The following PSG1 variants were observed in gnomAD, a reference collection of about 807,000 sequenced individuals.
PSG1 encodes the protein pregnancy specific beta-1-glycoprotein 1, also known as pregnancy-specific beta-1-glycoprotein 1.
Under a neutral mutation model 41.4 loss-of-function variants are expected in PSG1, and 60 were observed. That is an observed-to-expected ratio of 1.45 (90% CI 1.18 to 1.80). PSG1 has a LOEUF of 1.80. PSG1 is among the 40% of genes most tolerant of loss of function. The pLI is 0.00. For missense variants in PSG1, 806 were observed against 516.9 expected, an observed-to-expected ratio of 1.56 and a Z score of -5.42; for synonymous variants, 256 against 192.9, an observed-to-expected ratio of 1.33 and a Z score of -2.71.
Position 42,866,680 on chromosome 19 carries a change from A to C in PSG1, c.*454T>G. 1 of 340,552 alleles carries C rather than the reference A, an allele frequency of 2.9e-6. No homozygotes were observed. The highest frequency in any genetic ancestry group is 5.5e-6 in the Non-Finnish European group (1 of 181,714). The allele number at this position is 340,552 out of a possible 1,614,324, so 21.1% of individuals were successfully genotyped here. On this transcript the variant is annotated 3_prime_UTR_variant, in exon 6 of 6. Coordinates refer to ENST00000436291, the MANE Select transcript of PSG1 (RefSeq NM_001184825.2). ...ATTTCTATTGGGAGCCCTGTATGCA[A>C]GGTGGAGAGAGCCACATTTCCCCCT...
intron 3 of PSG1, chr19:42,869,364 G>A (rs1600492437): frequency 2.3e-6 from 1 of 429,366 alleles, no homozygotes; most frequent in African/African-American, 2.0e-5. Context: ...CTCACCTTGG[G>A]TTCCTTACCT....
At chr19:42,874,621 G>A (rs904412509) in intron 2 of PSG1, among the ~76,000 whole-genome samples, 3 of 151,922 alleles carry the variant, frequency 2.0e-5, no homozygotes, top group Middle Eastern at 3.4e-3. Context: ...GATTATAGGC[G>A]TGAGCCACTG....
At position 42,868,435 on chromosome 19, in the gene PSG1, A is replaced by T. The variant is rs10407243; in HGVS notation, c.989-80T>A. The T allele has an allele frequency of 5.9e-3, 8,783 of 1,490,536 alleles. 459 individuals carry two copies. In the African/African-American group the frequency reaches 0.11, roughly 18 times the overall value. 92.3% of individuals were successfully genotyped at this position (1,490,536 alleles called of 1,614,324 possible). Reference sequence around the variant, plus strand: ...CCTGGTCTCTTAAAGGGACACAGTGACCCTCTGAGCCAAGACACACCCTCA... The same window carrying T: ...CCTGGTCTCTTAAAGGGACACAGTGTCCCTCTGAGCCAAGACACACCCTCA... On this transcript the variant is annotated intron_variant, in intron 4 of 5. Coordinates refer to ENST00000436291, the MANE Select transcript of PSG1 (RefSeq NM_001184825.2).
At position 42,871,834 on chromosome 19, in the gene PSG1, G is replaced by C. The variant is rs150081035; in HGVS notation, c.642C>G (p.Pro214=). 1 of 1,612,466 alleles carries C rather than the reference G, an allele frequency of 6.2e-7. No individual in the cohort carries two copies. The highest frequency in any genetic ancestry group is 1.3e-5 in the African/African-American group (1 of 74,670). The part of the protein sequence containing the change: ...LLGVTKYTAG[P]YECEIRNPVS... ...CTGGGTTCCGTATTTCACATTCATA[G>C]GGTCCTGCAGTATACTTTGTGACAC... The change falls in exon 3 of 6, where the codon CCC becomes CCG. Residue 214 remains proline (P), a synonymous_variant. Transcript: ENST00000436291.
intron 2 of PSG1, 145 bp downstream of exon 2, chr19:42,877,768 G>A: frequency 6.6e-7 from 1 of 1,514,708 alleles, no homozygotes; most frequent in Non-Finnish European, 9.1e-7. Context: ...TCCTCTGTGT[G>A]TGTCCTGCAC....
intron 2 of PSG1, among the ~76,000 whole-genome samples, chr19:42,875,020 C>A (rs1016639303): frequency 6.6e-6 from 1 of 151,714 alleles, no homozygotes; most frequent in African/African-American, 2.4e-5. Context: ...CAGGTTGAGG[C>A]TGGAGTCACA....
intron 4 of PSG1, 85 bp downstream of exon 4, chr19:42,868,671 A>C: frequency 6.3e-7 from 1 of 1,587,258 alleles, no homozygotes; most frequent in South Asian, 1.2e-5. Context: ...CTATACTTGG[A>C]CCGGAGAGAG....
intron 2 of PSG1, among the ~76,000 whole-genome samples, chr19:42,876,055 C>T (rs534571466): frequency 6.6e-6 from 1 of 151,460 alleles, no homozygotes; most frequent in Non-Finnish European, 1.5e-5. Context: ...TGTGCCTTTC[C>T]TCTTTCCTGG....
rs1971776115 is a variant in PSG1, at chr19:42,879,520, G to A, written c.62C>T (p.Thr21Ile). Residue 21 changes from threonine (T) to isoleucine (I), a missense_variant and splice_region_variant, in exon 1 of 6, where the codon ACA becomes ATA. Transcript: ENST00000436291. ...CTCCCAGGAAGTTCTCTCCTCACCT[G>A]TGAGCAGGAGCCCCTTCCATTTGAT... Reference protein sequence around the residue: ...QRIKWKGLLLTASLLNFWNLP... With the variant: ...QRIKWKGLLLIASLLNFWNLP... 6.2e-7 allele frequency: 1 copy of A among 1,609,966 alleles called. No individual in the cohort carries two copies. Among genetic ancestry groups the A allele is most frequent in the Non-Finnish European group, 8.5e-7 (1 of 1,177,706 alleles).
rs550172330 is a variant in PSG1 at position 42,868,785 on chromosome 19, C to A, written c.959G>T (p.Arg320Leu). 14 of 1,611,810 alleles carry A rather than the reference C, an allele frequency of 8.7e-6. 1 individual carries two copies. In the African/African-American group the frequency reaches 1.6e-4, roughly 19 times the overall value. The change falls in exon 4 of 6, where the codon CGC becomes CTC. Residue 320 changes from arginine to leucine, a missense_variant. Transcript: ENST00000436291. ...GACATTCAGGGTGACTGGGTCACTG[C>A]GGATGCCACCATATCGGTCCCGTAT... is the stretch of plus-strand genomic sequence containing the variant. ...CEIRDRYGGI[R>L]SDPVTLNVLY...
At chr19:42,869,615 C>T (rs1290826298) in intron 3 of PSG1, 2 of 157,854 alleles carry the variant, frequency 1.3e-5, no homozygotes, top group Non-Finnish European at 2.8e-5. Flanking sequence ...GCAGTGGAGG[C>T]TCAAGGTGGG....
Position 42,879,662 on chromosome 19 carries a change from C to T in PSG1, c.-81G>A, listed in dbSNP as rs1663604883. Reference sequence around the variant, plus strand: ...TCTCTGAGCACGGCTGTCAGCTGTGCTGTCCTTCCTCTTTCTGTGCTGAGC... The same window carrying T: ...TCTCTGAGCACGGCTGTCAGCTGTGTTGTCCTTCCTCTTTCTGTGCTGAGC... On this transcript the variant is annotated 5_prime_UTR_variant, in exon 1 of 6. Coordinates refer to ENST00000436291, the MANE Select transcript of PSG1 (RefSeq NM_001184825.2). The T allele has an allele frequency of 8.9e-6, 14 of 1,567,350 alleles. No homozygotes were observed. Among genetic ancestry groups the T allele is most frequent in the Non-Finnish European group, 1.1e-5 (13 of 1,148,438 alleles).
rs533208728 is a variant in PSG1 at position 42,874,299 on chromosome 19, C to G, written c.431-2254G>C. Among the ~76,000 whole-genome samples, 10 of 151,736 alleles carry G rather than the reference C, an allele frequency of 6.6e-5. 1 individual carries two copies. The highest frequency in any genetic ancestry group is 6.6e-4 in the Admixed American group (10 of 15,202). On this transcript the variant is annotated intron_variant, in intron 2 of 5. Transcript: ENST00000436291. ...CTCAAGCTAGGTATTCTTTCCACAG[C>G]TGTGTGCAGTCTACCAGTAAGCATC...
At chr19:42,868,038 T>A in intron 5 of PSG1, 63 bp downstream of exon 5, 2 of 1,611,758 alleles carry the variant, frequency 1.2e-6, no homozygotes, top group Non-Finnish European at 1.7e-6. Context: ...TCCTGACTCT[T>A]CTCTGAATGC....
intron 4 of PSG1, 23 bp downstream of exon 4, chr19:42,868,733 A>G: frequency 6.2e-7 from 1 of 1,610,304 alleles, no homozygotes; most frequent in Admixed American, 1.7e-5. Flanking sequence ...GTCCTGGCCC[A>G]CAGAGGAACA....
rs765764581 is a variant in PSG1 at position 42,878,096 on chromosome 19, C to A, written c.247G>T (p.Val83Leu). 4.3e-6 allele frequency: 7 copies of A among 1,612,224 alleles called. 1 individual carries two copies. In the East Asian group the frequency reaches 1.6e-4, roughly 36 times the overall value. Residue 83 changes from valine to leucine, a missense_variant, in exon 2 of 6, where the codon GTA (valine) becomes TTA (leucine). Physicochemically the swap from Val to Leu is conservative, Grantham distance 32 (BLOSUM62 1). Coordinates refer to ENST00000436291, the MANE Select transcript of PSG1 (RefSeq NM_001184825.2). ...RDLYHYITSY[V>L]VDGEIIIYGP... ...TATATAATTATTTCACCGTCTACTA[C>A]ATATGATGTAATGTAATGGTAGAGG...
Position 42,871,812 on chromosome 19 carries a change from G to C in PSG1, c.664C>G (p.Pro222Ala). Residue 222 changes from proline to alanine, a missense_variant, in exon 3 of 6, where the codon CCA becomes GCA. Pro to Ala is a conservative substitution (Grantham distance 27). Coordinates refer to ENST00000436291, the MANE Select transcript of PSG1 (RefSeq NM_001184825.2). ...AGPYECEIRN[P>A]VSASRSDPVT... ...GGGTCACTGCGGCTGGCACTCACTG[G>C]GTTCCGTATTTCACATTCATAGGGT... is the stretch of plus-strand genomic sequence containing the variant. 1.9e-6 allele frequency: 3 copies of C among 1,612,602 alleles called. No homozygotes were observed. Among genetic ancestry groups the C allele is most frequent in the Non-Finnish European group, 2.5e-6 (3 of 1,179,264 alleles).
rs184145325 is a variant in PSG1 at position 42,872,181 on chromosome 19, A to G, written c.431-136T>C. ...AAAGCCCATGGCAGGTGTGTGTGATACAAGACAGATGCATGGCAATCTGAG... is the reference window on the plus strand; with the variant it reads ...AAAGCCCATGGCAGGTGTGTGTGATGCAAGACAGATGCATGGCAATCTGAG... On this transcript the variant is annotated intron_variant, in intron 2 of 5. Coordinates refer to ENST00000436291, the MANE Select transcript of PSG1 (RefSeq NM_001184825.2). The G allele has an allele frequency of 2.9e-3, 3,815 of 1,301,452 alleles. 50 individuals carry two copies. Among genetic ancestry groups the G allele is most frequent in the Non-Finnish European group, 2.8e-3 (2,698 of 949,626 alleles). The allele number at this position is 1,301,452 out of a possible 1,614,324, so 80.6% of individuals were successfully genotyped here.
intron 4 of PSG1, among the ~76,000 whole-genome samples, 188 bp downstream of exon 4, chr19:42,868,568 C>G (rs59502765): frequency 6.6e-6 from 1 of 150,962 alleles, no homozygotes; most frequent in Admixed American, 6.6e-5. Context: ...AAGAGCATCC[C>G]CTCCCCTTAT....
Sources: gnomAD v4.1 joint callset for allele counts (sites outside exome capture counted in the v4.1 genomes callset) on GRCh38, gnomAD v4.1.1 for gene constraint, MANE v1.5 for transcripts, NCBI Gene and HGNC (gene_info 2026-07-23, HGNC 2026-07-21) for gene names.